ELAVL3: variants seen among roughly 807,000 people sequenced by gnomAD.
ELAVL3 encodes ELAV-like protein 3.
ELAVL3 carries 8 observed loss-of-function variants against 34.2 expected under a neutral mutation model. That is an observed-to-expected ratio of 0.23 (90% CI 0.14 to 0.42). The LOEUF (loss-of-function observed/expected upper bound fraction) is 0.42, where lower values mean the gene tolerates loss of function less well. Among genes scored for constraint, ELAVL3 ranks in the 10% least tolerant of loss-of-function variants. The probability of loss-of-function intolerance (pLI) is 1.00; values close to 1 mark genes in which losing one functional copy is unlikely to be tolerated. For synonymous variants in ELAVL3, 209 were observed against 222.1 expected, an observed-to-expected ratio of 0.94 and a Z score of 0.53; for missense variants, 273 against 518.8, an observed-to-expected ratio of 0.53 and a Z score of 4.60.
At chr19:11,472,319 C>T (rs942722107) in intron 1 of ELAVL3, among the ~76,000 whole-genome samples, 3 of 152,146 alleles carry the variant, frequency 2.0e-5, no homozygotes, top group East Asian at 3.8e-4. Flanking sequence ...GCACTCCAGC[C>T]TGGGCGAGAG....
chr19:11,465,082 GAC>G (rs1291052303), intron 3 of ELAVL3, among the ~76,000 whole-genome samples: 9 of 26,536 alleles, frequency 3.4e-4, no homozygotes, highest in South Asian at 1.2e-3. Flanking sequence ...ACCCCACACA[GAC>G]ACACACACAC....
At chr19:11,472,835 G>A (rs187592063) in intron 1 of ELAVL3, among the ~76,000 whole-genome samples, 1 of 151,164 alleles carries the variant, frequency 6.6e-6, no homozygotes, top group Non-Finnish European at 1.5e-5. Context: ...GAGACCAAGG[G>A]GGGGTGGATC....
chr19:11,469,144 T>C (rs1353376602), intron 1 of ELAVL3, among the ~76,000 whole-genome samples: 1 of 152,088 alleles, frequency 6.6e-6, no homozygotes, highest in Non-Finnish European at 1.5e-5. Context: ...CCCAGGCTGG[T>C]CTCGAACTCC....
chr19:11,466,098 T>G lies in ELAVL3; in HGVS notation c.333+74A>C. Reference sequence around the variant, plus strand: ...GTGGACATGGATGCATGGGGGCGGGTAGGTGGCAGTAGGGGGTTGGGGACA... The same window carrying G: ...GTGGACATGGATGCATGGGGGCGGGGAGGTGGCAGTAGGGGGTTGGGGACA... On this transcript the variant is annotated intron_variant, in intron 3 of 6. Transcript: ENST00000359227. This position sits in a 1 kb window ranked among gnomAD's most constrained non-coding sequence, Gnocchi z 5.0. 7.6e-7 allele frequency: 1 copy of G among 1,316,146 alleles called. No individual in the cohort carries two copies. Among genetic ancestry groups the G allele is most frequent in the African/African-American group, 1.5e-5 (1 of 65,986 alleles). 81.5% of individuals were successfully genotyped at this position (1,316,146 alleles called of 1,614,324 possible). A position where few individuals can be genotyped will look rare whatever the true frequency, so the allele number is the denominator to read the frequency against.
In ELAVL3 at chr19:11,471,013, T is replaced by A. The variant is rs193110403; in HGVS notation, c.10-4186A>T. On this transcript the variant is annotated intron_variant, in intron 1 of 6. Coordinates refer to ENST00000359227, the MANE Select transcript of ELAVL3 (RefSeq NM_001420.4). ...GGTGGGCGCCACCATGCCTGGCTAATTTTTAAAAATTTTTTTGGGCTAGAC... is the reference window on the plus strand; with the variant it reads ...GGTGGGCGCCACCATGCCTGGCTAAATTTTAAAAATTTTTTTGGGCTAGAC... Among the ~76,000 whole-genome samples, 266 of 152,238 alleles carry A rather than the reference T, an allele frequency of 1.7e-3. 1 individual carries two copies. The highest frequency in any genetic ancestry group is 6.8e-3 in the Middle Eastern group (2 of 294).
intron 1 of ELAVL3, among the ~76,000 whole-genome samples, chr19:11,471,654 A>G (rs546202767): frequency 9.5e-4 from 144 of 151,622 alleles, no homozygotes; most frequent in African/African-American, 3.4e-3. Flanking sequence ...GGGTGTCACT[A>G]TGTCGCCCAG....
chr19:11,466,816 C>T lies in ELAVL3; in HGVS notation c.21G>A (p.Gly7=), dbSNP rs764270673. MVTQIL[G]AMESQVGGGP... ...CCCCCCCCACCTGAGACTCCATGGCCCCCAGTATCTGCTGGAGATAACAGG... is the reference window on the plus strand; with the variant it reads ...CCCCCCCCACCTGAGACTCCATGGCTCCCAGTATCTGCTGGAGATAACAGG... Residue 7 remains glycine, a synonymous_variant, in exon 2 of 7, where the codon GGG becomes GGA. Coordinates refer to ENST00000359227, the MANE Select transcript of ELAVL3 (RefSeq NM_001420.4). The surrounding 1 kb of genome is among the most constrained non-coding windows in gnomAD (Gnocchi z 5.0). 1 of 1,606,498 alleles carries T rather than the reference C, an allele frequency of 6.2e-7. No individual in the cohort carries two copies.
At position 11,458,381 on chromosome 19, in the gene ELAVL3, C is replaced by A. The variant is rs1599530393; in HGVS notation, c.487+77G>T. On this transcript the variant is annotated intron_variant, in intron 4 of 6. Coordinates refer to ENST00000359227, the MANE Select transcript of ELAVL3 (RefSeq NM_001420.4). The surrounding 1 kb of genome is among the most constrained non-coding windows in gnomAD (Gnocchi z 7.3). Reference sequence around the variant, plus strand: ...CTGCTTCATGCCCTGGCATCTTGGTCGGTTTCCCCACGTTGGTCCCACCTG... The same window carrying A: ...CTGCTTCATGCCCTGGCATCTTGGTAGGTTTCCCCACGTTGGTCCCACCTG... 6 of 1,606,146 alleles carry A rather than the reference C, an allele frequency of 3.7e-6. No individual in the cohort carries two copies. The highest frequency in any genetic ancestry group is 5.1e-6 in the Non-Finnish European group (6 of 1,175,470).
In ELAVL3 at chr19:11,480,884, C is replaced by T. The variant is rs1971365500; in HGVS notation, c.-276G>A. On this transcript the variant is annotated 5_prime_UTR_variant, in exon 1 of 7. Transcript: ENST00000359227. This position sits in a 1 kb window ranked among gnomAD's most constrained non-coding sequence, Gnocchi z 6.8. ...GGGGTTGAGGACGCCCCCTGCGCGG[C>T]CCCGCGGGGCCCGGGGAGGTTGCGC... 5.7e-6 allele frequency: 2 copies of T among 349,424 alleles called. No homozygotes were observed. Among genetic ancestry groups the T allele is most frequent in the Non-Finnish European group, 1.0e-5 (2 of 194,350 alleles). The allele number at this position is 349,424 out of a possible 1,614,324, so 21.6% of individuals were successfully genotyped here.
rs941665678 is a variant in ELAVL3, at chr19:11,466,333, C to T, written c.230-58G>A. 4.7e-6 allele frequency: 7 copies of T among 1,483,136 alleles called. No individual in the cohort carries two copies. The highest frequency in any genetic ancestry group is 5.6e-6 in the Non-Finnish European group (6 of 1,062,502). The allele number at this position is 1,483,136 out of a possible 1,614,324, so 91.9% of individuals were successfully genotyped here. ...CCCAGCCTTGACACCTGCCAGTGTC[C>T]CACCTCAGGCCTGAGAGACTGTCCC... On this transcript the variant is annotated intron_variant, in intron 2 of 6. Transcript: ENST00000359227. The surrounding 1 kb of genome is among the most constrained non-coding windows in gnomAD (Gnocchi z 5.0).
chr19:11,465,056 TACAC>T (rs1971007964), intron 3 of ELAVL3, among the ~76,000 whole-genome samples: 1 of 42,536 alleles, frequency 2.4e-5, no homozygotes, highest in Admixed American at 2.9e-4. Flanking sequence ...CATACACACA[TACAC>T]ACATCCCACA....
chr19:11,474,300 T>C (rs1177746078), intron 1 of ELAVL3, among the ~76,000 whole-genome samples: 3 of 152,086 alleles, frequency 2.0e-5, no homozygotes, highest in African/African-American at 7.2e-5. Context: ...CCCAAAGTGC[T>C]AAGGATTCAG....
chr19:11,466,753 A>G lies in ELAVL3; in HGVS notation c.84T>C (p.Leu28=). ...TGTCGTCAGTGGCTCCATTTGTACC[A>G]AGGAGTGGCCCGTTGGGCAGGGCCG... The part of the protein sequence containing the change: ...AGPALPNGPL[L]GTNGATDDSK... The change falls in exon 2 of 7, where the codon CTT becomes CTC. Residue 28 remains leucine (L), a synonymous_variant. Coordinates refer to ENST00000359227, the MANE Select transcript of ELAVL3 (RefSeq NM_001420.4). This position sits in a 1 kb window ranked among gnomAD's most constrained non-coding sequence, Gnocchi z 5.0. 1.2e-6 allele frequency: 2 copies of G among 1,614,070 alleles called. No homozygotes were observed. The highest frequency in any genetic ancestry group is 1.1e-5 in the South Asian group (1 of 91,082).
At chr19:11,459,562 C>T (rs1053858664) in intron 3 of ELAVL3, among the ~76,000 whole-genome samples, 1 of 151,412 alleles carries the variant, frequency 6.6e-6, no homozygotes, top group African/African-American at 2.4e-5. Flanking sequence ...CCACCTCCCC[C>T]GGCCTCAGCT....
intron 3 of ELAVL3, among the ~76,000 whole-genome samples, chr19:11,464,875 AT>A (rs1970994047): frequency 8.9e-6 from 1 of 112,576 alleles, no homozygotes; most frequent in African/African-American, 3.2e-5. Flanking sequence ...CCACACACAC[AT>A]ACACACATAC....
intron 1 of ELAVL3, among the ~76,000 whole-genome samples, chr19:11,467,686 G>T (rs867226239): frequency 4.6e-5 from 7 of 152,022 alleles, no homozygotes; most frequent in Non-Finnish European, 7.4e-5. Flanking sequence ...GTTTCGGCAC[G>T]TTGGCCAGGC....
rs950823031 is a variant in ELAVL3 at position 11,451,494 on chromosome 19, C to CTTTTTTTTTTTTTTTTTTTTTTTTTT, written c.*3031_*3032insAAAAAAAAAAAAAAAAAAAAAAAAAA. On this transcript the variant is annotated 3_prime_UTR_variant, in exon 7 of 7. Transcript: ENST00000359227. Reference sequence around the variant, plus strand: ...TTTTTTTTTTTGTCTTTTGTTTTGTCTTTTTTTTTTTTTTTTTTTTTACAG... The same window carrying CTTTTTTTTTTTTTTTTTTTTTTTTTT: ...TTTTTTTTTTTGTCTTTTGTTTTGTCTTTTTTTTTTTTTTTTTTTTTTTTTTTTTTTTTTTTTTTTTTTTTTTACAG... 3.1e-5 allele frequency: 2 copies of CTTTTTTTTTTTTTTTTTTTTTTTTTT among 65,532 alleles called. No homozygotes were observed. The highest frequency in any genetic ancestry group is 5.8e-5 in the African/African-American group (1 of 17,220). The allele number at this position is 65,532 out of a possible 1,614,324, so 4.1% of individuals were successfully genotyped here.
At position 11,481,019 on chromosome 19, in the gene ELAVL3, C is replaced by G. The variant is rs929653077; in HGVS notation, c.-411G>C. The G allele has an allele frequency of 5.1e-5, 9 of 174,970 alleles. No homozygotes were observed. The highest frequency in any genetic ancestry group is 1.9e-4 in the African/African-American group (8 of 42,080). The allele number at this position is 174,970 out of a possible 1,614,324, so 10.8% of individuals were successfully genotyped here. A position where few individuals can be genotyped will look rare whatever the true frequency, so the allele number is the denominator to read the frequency against. ...CCTCGCCCACCCTCCCTCCCTCCCT[C>G]CGGCCCGCGCTGCGCGCTCCGCGCT... is the stretch of plus-strand genomic sequence containing the variant. On this transcript the variant is annotated 5_prime_UTR_variant, in exon 1 of 7. Transcript: ENST00000359227. The surrounding 1 kb of genome is among the most constrained non-coding windows in gnomAD (Gnocchi z 6.3).
chr19:11,456,968 A>G (rs1970780932), intron 6 of ELAVL3, 142 bp downstream of exon 6: 7 of 740,848 alleles, frequency 9.4e-6, no homozygotes, highest in Non-Finnish European at 1.4e-5. Flanking sequence ...TCTGGCTTTG[A>G]TGTCACATCT....
Sources: allele counts gnomAD v4.1 joint callset (sites outside exome capture counted in the v4.1 genomes callset), GRCh38; gene constraint gnomAD v4.1.1; non-coding constraint Gnocchi (gnomAD v3.1); transcripts MANE v1.5; gene names NCBI Gene and HGNC (gene_info 2026-07-23, HGNC 2026-07-21).